Variants in TNS4 observed in about 807,000 individuals in gnomAD.
TNS4 encodes the protein tensin 4.
Under a neutral mutation model 70.4 loss-of-function variants are expected in TNS4, and 46 were observed. That is an observed-to-expected ratio of 0.65 (90% CI 0.52 to 0.84). The LOEUF (loss-of-function observed/expected upper bound fraction) is 0.84, where lower values mean the gene tolerates loss of function less well. Ranked by LOEUF, TNS4 falls within the 40% of genes least tolerant of loss-of-function variation. The pLI, the probability that TNS4 is intolerant of heterozygous loss-of-function variation, is 0.00. For missense variants in TNS4, 863 were observed against 907.0 expected, an observed-to-expected ratio of 0.95 and a Z score of 0.62; for synonymous variants, 390 against 366.6, an observed-to-expected ratio of 1.06 and a Z score of -0.73.
In TNS4 at chr17:40,480,418, G is replaced by A. The variant is rs532098015; in HGVS notation, c.1741+282C>T. 3.0e-4 allele frequency among the ~76,000 whole-genome samples: 46 copies of A among 152,218 alleles called. 1 individual carries two copies. Among genetic ancestry groups the A allele is most frequent in the South Asian group, 2.1e-3 (10 of 4,832 alleles). The stretch of plus-strand genomic sequence containing the variant: ...GTTTCTCAGACCTAGAGAGACCCTA[G>A]CACGTGTGCACATGCCCATGTGTGT... On this transcript the variant is annotated intron_variant, in intron 9 of 12. Coordinates refer to ENST00000254051, the MANE Select transcript of TNS4 (RefSeq NM_032865.6).
At chr17:40,490,225 C>T (rs1404526319) in intron 2 of TNS4, among the ~76,000 whole-genome samples, 1 of 152,258 alleles carries the variant, frequency 6.6e-6, no homozygotes, top group Non-Finnish European at 1.5e-5. Context: ...AGCGCTCTTT[C>T]CACTCCCTGG....
chr17:40,482,222 C>G lies in TNS4; in HGVS notation c.1595-16G>C, dbSNP rs1186124553. 23 of 1,614,182 alleles carry G rather than the reference C, an allele frequency of 1.4e-5. No individual in the cohort carries two copies. Among genetic ancestry groups the G allele is most frequent in the Non-Finnish European group, 1.8e-5 (21 of 1,180,022 alleles). ...GAGAGGCTCCCTGAAAGGAAGCAAG[C>G]AGCCCTGCATGAGTAGAGCTTCCCC... On this transcript the variant is annotated splice_polypyrimidine_tract_variant and intron_variant, in intron 7 of 12. Transcript: ENST00000254051.
At chr17:40,494,747 A>G (rs961636670) in intron 2 of TNS4, among the ~76,000 whole-genome samples, 8 of 151,992 alleles carry the variant, frequency 5.3e-5, no homozygotes, top group Non-Finnish European at 1.0e-4. Flanking sequence ...AAAAAAAAAA[A>G]AAAATTCAGC....
intron 8 of TNS4, among the ~76,000 whole-genome samples, chr17:40,481,269 G>A (rs951391888): frequency 1.3e-5 from 2 of 152,178 alleles, no homozygotes; most frequent in Non-Finnish European, 2.9e-5. Context: ...TGGGTTCAAG[G>A]TCTGACTCTG....
Position 40,496,454 on chromosome 17 carries a change from C to T in TNS4, c.-29G>A. 4 of 1,593,118 alleles carry T rather than the reference C, an allele frequency of 2.5e-6. No individual in the cohort carries two copies. The highest frequency in any genetic ancestry group is 3.4e-6 in the Non-Finnish European group (4 of 1,172,558). On this transcript the variant is annotated 5_prime_UTR_variant, in exon 2 of 13. Transcript: ENST00000254051. ...GGGGGTGGTGACCTCTGCAGTTTAC[C>T]TCTGGTCTTCAACCAGCCTCACTGA... is the stretch of plus-strand genomic sequence containing the variant.
chr17:40,496,194 A>G lies in TNS4; in HGVS notation c.232T>C (p.Cys78Arg), dbSNP rs1412376722. 6.2e-7 allele frequency: 1 copy of G among 1,606,690 alleles called. No homozygotes were observed. Among genetic ancestry groups the G allele is most frequent in the Middle Eastern group, 1.7e-4 (1 of 6,020 alleles). ...QAPQVEAKAT[C>R]FLPSPGEKAL... ...TTCTCACCAGGGGACGGCAGGAAGCAGGTGGCTTTGGCCTCCACCTGTGGG... is the reference window on the plus strand; with the variant it reads ...TTCTCACCAGGGGACGGCAGGAAGCGGGTGGCTTTGGCCTCCACCTGTGGG... The change falls in exon 2 of 13, where the codon TGC becomes CGC. Residue 78 changes from cysteine to arginine, a missense_variant. Cys to Arg is a radical substitution (Grantham distance 180). Coordinates refer to ENST00000254051, the MANE Select transcript of TNS4 (RefSeq NM_032865.6).
At chr17:40,482,025 G>T in intron 8 of TNS4, 104 bp downstream of exon 8, 1 of 1,314,598 alleles carries the variant, frequency 7.6e-7, no homozygotes, top group Non-Finnish European at 1.1e-6. Flanking sequence ...AGTTTTAACC[G>T]TGACACTAAA....
In TNS4 at chr17:40,477,743, G is replaced by A. The variant is rs201174666; in HGVS notation, c.2007-14C>T. 9.8e-4 allele frequency: 1,574 copies of A among 1,612,942 alleles called. 1 individual carries two copies. The highest frequency in any genetic ancestry group is 1.8e-3 in the Middle Eastern group (11 of 6,056). ...AACCCAAAGATCCTGGTGGGGGAGG[G>A]CAGTCTGAGTGAGGGGTGGGACCCA... On this transcript the variant is annotated splice_polypyrimidine_tract_variant and intron_variant, in intron 12 of 12. Transcript: ENST00000254051.
At chr17:40,496,789 T>A (rs1292498708) in intron 1 of TNS4, among the ~76,000 whole-genome samples, 1 of 152,250 alleles carries the variant, frequency 6.6e-6, no homozygotes. Context: ...ATAAGCATTA[T>A]GTAAGTGATC....
At chr17:40,484,809 C>T (rs2035970637) in intron 5 of TNS4, 112 bp downstream of exon 5, 2 of 1,405,328 alleles carry the variant, frequency 1.4e-6, no homozygotes, top group East Asian at 2.3e-5. Context: ...ATCCCCCTCC[C>T]CCGCTTCCCA....
Position 40,487,042 on chromosome 17 carries a change from G to T in TNS4, c.1282C>A (p.Pro428Thr), listed in dbSNP as rs1297590353. The T allele has an allele frequency of 5.0e-6, 8 of 1,613,614 alleles. No homozygotes were observed. The highest frequency in any genetic ancestry group is 1.6e-4 in the Middle Eastern group (1 of 6,082). ...TLSDAPFTTC[P>T]EGPARDMQPT... ...ATATTGGTTTACGACGTACCCTCTG[G>T]GCATGTGGTAAAGGGGGCATCTGAC... The change falls in exon 4 of 13, where the codon CCA becomes ACA. Residue 428 changes from proline to threonine, a missense_variant. Physicochemically the swap from Pro to Thr is conservative, Grantham distance 38. Transcript: ENST00000254051.
chr17:40,488,846 C>G lies in TNS4; in HGVS notation c.563G>C (p.Arg188Thr), dbSNP rs764524983. Residue 188 changes from arginine to threonine, a missense_variant, in exon 3 of 13, where the codon AGA becomes ACA. Arg to Thr is a moderately conservative substitution (Grantham distance 71). Coordinates refer to ENST00000254051, the MANE Select transcript of TNS4 (RefSeq NM_032865.6). ...GCTTCGTGTCTCTCGGGGGACGTCT[C>G]TGGAAAGGAGGAGGCCACCACTGCG... The part of the protein sequence containing the change: ...SLRSGGLLLS[R>T]DVPRETRSSS... 6.2e-7 allele frequency: 1 copy of G among 1,613,290 alleles called. No individual in the cohort carries two copies. Among genetic ancestry groups the G allele is most frequent in the South Asian group, 1.1e-5 (1 of 91,008 alleles).
rs200122917 is a variant in TNS4 at position 40,478,660 on chromosome 17, C to G, written c.1911-12G>C. 69 of 1,613,832 alleles carry G rather than the reference C, an allele frequency of 4.3e-5. No individual in the cohort carries two copies. Among genetic ancestry groups the G allele is most frequent in the East Asian group, 3.3e-4 (15 of 44,878 alleles). ...GCCGGAAAAACACCCTAGGAGGAGG[C>G]GGGGAGAGAAGGGAAGCGATGACAG... On this transcript the variant is annotated splice_polypyrimidine_tract_variant and intron_variant, in intron 10 of 12. Transcript: ENST00000254051.
rs1289264825 is a variant in TNS4, at chr17:40,496,481, A to G, written c.-56T>C. The G allele has an allele frequency of 3.9e-6, 6 of 1,527,564 alleles. No individual in the cohort carries two copies. The highest frequency in any genetic ancestry group is 4.4e-6 in the Non-Finnish European group (5 of 1,137,032). 94.6% of individuals were successfully genotyped at this position (1,527,564 alleles called of 1,614,324 possible). ...CTGGTCTTCAACCAGCCTCACTGAC[A>G]TCCCAGAGATCTCACTTGCTAACCA... On this transcript the variant is annotated 5_prime_UTR_variant, in exon 2 of 13. It removes an upstream start codon present in the reference 5' UTR. Coordinates refer to ENST00000254051, the MANE Select transcript of TNS4 (RefSeq NM_032865.6).
At chr17:40,478,509 G>A in intron 11 of TNS4, 71 bp downstream of exon 11, 1 of 1,591,930 alleles carries the variant, frequency 6.3e-7, no homozygotes, top group Non-Finnish European at 8.6e-7. Flanking sequence ...CAGGCCCAGA[G>A]TCGGCAGGAC....
chr17:40,492,812 G>A (rs1027288574), intron 2 of TNS4, among the ~76,000 whole-genome samples: 2 of 151,854 alleles, frequency 1.3e-5, no homozygotes, highest in African/African-American at 2.4e-5. Context: ...CAAGGTGGGC[G>A]AATCACCGAG....
intron 2 of TNS4, among the ~76,000 whole-genome samples, chr17:40,493,723 G>T (rs185563886): frequency 1.3e-5 from 2 of 152,192 alleles, no homozygotes; most frequent in East Asian, 3.8e-4. Flanking sequence ...ATGGCATGTG[G>T]TGCCCAGGGC....
In TNS4 at chr17:40,482,404, T is replaced by C; in HGVS notation, c.1514A>G (p.Asn505Ser). Residue 505 changes from asparagine to serine, a missense_variant, in exon 7 of 13, where the codon AAT becomes AGT. Transcript: ENST00000254051. ...GATGAGGAAGTGTCGGATGAGGTCA[T>C]TGCTGTCCTCACCTGGACAGAGAAG... ...SAQSRPGEDS[N>S]DLIRHFLIES... 1 of 1,613,990 alleles carries C rather than the reference T, an allele frequency of 6.2e-7. No homozygotes were observed. Among genetic ancestry groups the C allele is most frequent in the East Asian group, 2.2e-5 (1 of 44,886 alleles).
intron 6 of TNS4, 101 bp downstream of exon 6, chr17:40,484,383 C>T (rs1355134161): frequency 1.9e-5 from 29 of 1,522,086 alleles, no homozygotes; most frequent in Middle Eastern, 2.0e-4. Flanking sequence ...ATAAGACTGG[C>T]GCCATGTCAC....
Sources: allele counts gnomAD v4.1 joint callset (sites outside exome capture counted in the v4.1 genomes callset), GRCh38; gene constraint gnomAD v4.1.1; transcripts MANE v1.5; gene names NCBI Gene and HGNC (gene_info 2026-07-23, HGNC 2026-07-21).